TOX3: variants seen among roughly 807,000 people sequenced by gnomAD.
The protein encoded by TOX3 is CAG trinucleotide repeat-containing gene F9 protein.
A neutral mutation model predicts 64.3 loss-of-function variants in TOX3; 22 were observed. That is an observed-to-expected ratio of 0.34 (90% CI 0.24 to 0.49). TOX3 has a LOEUF of 0.49. TOX3 is among the 20% of genes least tolerant of loss of function. The probability of loss-of-function intolerance (pLI) is 0.99; values close to 1 mark genes in which losing one functional copy is unlikely to be tolerated. For synonymous variants in TOX3, 291 were observed against 273.6 expected (o/e 1.06, Z -0.63); for missense variants, 661 against 714.4 (o/e 0.93, Z 0.85).
intron 6 of TOX3, among the ~76,000 whole-genome samples, chr16:52,443,155 T>C (rs1458467382): frequency 2.6e-5 from 4 of 152,222 alleles, no homozygotes; most frequent in Non-Finnish European, 5.9e-5. Flanking sequence ...CTTCACTCCA[T>C]CTAGTTAACC....
In TOX3 at chr16:52,437,789, T is replaced by TAAAAAAA. The variant is rs67145443; in HGVS notation, c.*1429_*1435dup. Among the ~76,000 whole-genome samples, 1 of 111,368 alleles carries TAAAAAAA rather than the reference T, an allele frequency of 9.0e-6. No individual in the cohort carries two copies. Among genetic ancestry groups the TAAAAAAA allele is most frequent in the Non-Finnish European group, 1.8e-5 (1 of 54,784 alleles). The allele number at this position is 111,368 out of a possible 152,430, so 73.1% of individuals were successfully genotyped here. A position where few individuals can be genotyped will look rare whatever the true frequency, so the allele number is the denominator to read the frequency against. Reference sequence around the variant, plus strand: ...CTATACTTACCTTGTACTTGCATCTTAAAAAAAAAAAAAAAAAAAAAAAAG... The same window carrying TAAAAAAA: ...CTATACTTACCTTGTACTTGCATCTTAAAAAAAAAAAAAAAAAAAAAAAAAAAAAAAG... On this transcript the variant is annotated 3_prime_UTR_variant, in exon 7 of 7. Coordinates refer to ENST00000219746, the MANE Select transcript of TOX3 (RefSeq NM_001080430.4).
chr16:52,457,072 T>C (rs1960540868), intron 3 of TOX3, among the ~76,000 whole-genome samples: 1 of 152,224 alleles, frequency 6.6e-6, no homozygotes, highest in South Asian at 2.1e-4. Flanking sequence ...TGGATAAAAC[T>C]TGCTCTAATT....
At chr16:52,517,013 T>C (rs1962476735) in intron 1 of TOX3, among the ~76,000 whole-genome samples, 2 of 152,156 alleles carry the variant, frequency 1.3e-5, no homozygotes, top group African/African-American at 2.4e-5. Flanking sequence ...ATATTAACCA[T>C]GACCCAAGAA....
rs763807547 is a variant in TOX3 at position 52,437,614 on chromosome 16, A to G, written c.*1611T>C. On this transcript the variant is annotated 3_prime_UTR_variant, in exon 7 of 7. Transcript: ENST00000219746. Reference sequence around the variant, plus strand: ...GTGGTCACACTGCTCTCAAAGAGGAACCGCTACAGAGCAAGAAAAGGGGGG... The same window carrying G: ...GTGGTCACACTGCTCTCAAAGAGGAGCCGCTACAGAGCAAGAAAAGGGGGG... The G allele has an allele frequency of 1.6e-4, 25 of 152,588 alleles. No homozygotes were observed. The highest frequency in any genetic ancestry group is 2.9e-4 in the Non-Finnish European group (20 of 68,032). 9.5% of individuals were successfully genotyped at this position (152,588 alleles called of 1,614,324 possible).
chr16:52,519,301 T>G (rs1029372693), intron 1 of TOX3: 76 of 1,123,466 alleles, frequency 6.8e-5, no homozygotes, highest in Non-Finnish European at 9.0e-5. Flanking sequence ...ATTCTTAAAC[T>G]AGAAATGTAA....
intron 1 of TOX3, among the ~76,000 whole-genome samples, chr16:52,511,305 A>T (rs1171523122): frequency 6.6e-6 from 1 of 152,150 alleles, no homozygotes; most frequent in Non-Finnish European, 1.5e-5. Context: ...CAGCCTGGCC[A>T]ACATGGTGAA....
Position 52,439,333 on chromosome 16 carries a change from T to A in TOX3, c.1623A>T (p.Thr541=). ...GGCTCCCGATGGCAGGGATGGGGGA[T>A]GTTATCTGAGAGGCGACAGGGGAGT... The part of the protein sequence containing the change: ...RQHSPVASQI[T]SPIPAIGSPQ... The change falls in exon 7 of 7, where the codon ACA becomes ACT. Residue 541 remains threonine, a synonymous_variant. Coordinates refer to ENST00000219746, the MANE Select transcript of TOX3 (RefSeq NM_001080430.4). 6.2e-7 allele frequency: 1 copy of A among 1,613,226 alleles called. No individual in the cohort carries two copies. Among genetic ancestry groups the A allele is most frequent in the Non-Finnish European group, 8.5e-7 (1 of 1,179,526 alleles).
intron 1 of TOX3, among the ~76,000 whole-genome samples, chr16:52,483,880 C>G (rs938512169): frequency 8.5e-5 from 13 of 152,074 alleles, no homozygotes; most frequent in African/African-American, 2.9e-4. Context: ...ATTTTTAATA[C>G]AAGAAAAGTA....
At chr16:52,510,841 CT>C (rs1962290054) in intron 1 of TOX3, among the ~76,000 whole-genome samples, 1 of 148,554 alleles carries the variant, frequency 6.7e-6, no homozygotes, top group Admixed American at 6.7e-5. Context: ...AATGAACTAA[CT>C]GGGGAATCAT....
intron 1 of TOX3, among the ~76,000 whole-genome samples, chr16:52,498,278 G>C (rs572128426): frequency 6.6e-6 from 1 of 152,276 alleles, no homozygotes; most frequent in South Asian, 2.1e-4. Flanking sequence ...GAAGGGAACT[G>C]TTTTATGTTT....
Position 52,439,674 on chromosome 16 carries a change from G to T in TOX3, c.1282C>A (p.Pro428Thr). ...ACCGAAGGACTCACTTGGGTGGAGGGTGCTGAGCCAACCATGGTCGTTCCC... is the reference window on the plus strand; with the variant it reads ...ACCGAAGGACTCACTTGGGTGGAGGTTGCTGAGCCAACCATGGTCGTTCCC... The part of the protein sequence containing the change: ...SMGTTMVGSA[P>T]STQVSPSVQT... Residue 428 changes from proline (P) to threonine (T), a missense_variant, in exon 7 of 7, where the codon CCC becomes ACC. Pro to Thr is a conservative substitution (Grantham distance 38). This residue lies in a region of TOX3 where 299 missense variants were observed against 292.1 expected (regional missense o/e 1.02). Transcript: ENST00000219746. The T allele has an allele frequency of 1.2e-6, 2 of 1,614,042 alleles. No individual in the cohort carries two copies. The highest frequency in any genetic ancestry group is 2.2e-5 in the South Asian group (2 of 91,082).
At chr16:52,464,716 C>A (rs1291706068) in intron 2 of TOX3, among the ~76,000 whole-genome samples, 1 of 152,128 alleles carries the variant, frequency 6.6e-6, no homozygotes, top group African/African-American at 2.4e-5. Context: ...GCAATGACTA[C>A]TTCTATGGAA....
intron 1 of TOX3, among the ~76,000 whole-genome samples, chr16:52,546,192 G>C (rs1424800310): frequency 6.6e-6 from 1 of 152,058 alleles, no homozygotes; most frequent in Non-Finnish European, 1.5e-5. Context: ...CGGCTCTGGA[G>C]TAGGTGGGGG....
At chr16:52,458,769 A>G (rs529199202) in intron 3 of TOX3, among the ~76,000 whole-genome samples, 18 of 152,158 alleles carry the variant, frequency 1.2e-4, no homozygotes, top group Non-Finnish European at 2.4e-4. Flanking sequence ...AATAAAGAAT[A>G]TTTATTTTAA....
rs532520169 is a variant in TOX3, at chr16:52,468,428, A to G, written c.153+81T>C. 52 of 1,255,330 alleles carry G rather than the reference A, an allele frequency of 4.1e-5. No homozygotes were observed. In the African/African-American group the frequency reaches 7.5e-4, roughly 18 times the overall value. 77.8% of individuals were successfully genotyped at this position (1,255,330 alleles called of 1,614,324 possible). A position where few individuals can be genotyped will look rare whatever the true frequency, so the allele number is the denominator to read the frequency against. On this transcript the variant is annotated intron_variant, in intron 2 of 6. Transcript: ENST00000219746. ...CACATAAGAGAGAGATAAATTTGAT[A>G]CTTTGTTTTTCCCTTCAAGCCTATT...
chr16:52,460,093 C>T, intron 3 of TOX3, among the ~76,000 whole-genome samples: 1 of 152,086 alleles, frequency 6.6e-6, no homozygotes, highest in East Asian at 1.9e-4. Context: ...CTCTTTTTCT[C>T]TTCCCTTTAA....
intron 3 of TOX3, among the ~76,000 whole-genome samples, chr16:52,461,902 A>G (rs568623104): frequency 6.6e-6 from 1 of 152,266 alleles, no homozygotes; most frequent in South Asian, 2.1e-4. Context: ...GCGATTCTGA[A>G]TTCAAGTTTA....
intron 1 of TOX3, among the ~76,000 whole-genome samples, chr16:52,484,131 A>G: frequency 6.6e-6 from 1 of 152,336 alleles, no homozygotes; most frequent in South Asian, 2.1e-4. Flanking sequence ...ATATTTTAAA[A>G]GGAGCCTAAA....
chr16:52,546,190 G>C (rs1963179556), intron 1 of TOX3, among the ~76,000 whole-genome samples: 1 of 152,060 alleles, frequency 6.6e-6, no homozygotes, highest in Non-Finnish European at 1.5e-5. Flanking sequence ...GCCGGCTCTG[G>C]AGTAGGTGGG....
Sources: gnomAD v4.1 joint callset for allele counts (sites outside exome capture counted in the v4.1 genomes callset) on GRCh38, gnomAD v4.1.1 for gene constraint, gnomAD v4.1.1 regional missense constraint, MANE v1.5 for transcripts, NCBI Gene and HGNC (gene_info 2026-07-23, HGNC 2026-07-21) for gene names.